XYLT1: variants seen among roughly 807,000 people sequenced by gnomAD.
The protein encoded by XYLT1 is beta-D-xylosyltransferase 1.
In XYLT1, 36 loss-of-function variants were observed where a neutral mutation model predicts 91.3. That is an observed-to-expected ratio of 0.39 (90% confidence interval 0.30 to 0.52). The LOEUF is 0.52. Among genes scored for constraint, XYLT1 ranks in the 20% least tolerant of loss-of-function variants. The pLI, the probability that XYLT1 is intolerant of heterozygous loss-of-function variation, is 0.68. For synonymous variants in XYLT1, 588 were observed against 532.0 expected, an observed-to-expected ratio of 1.11 and a Z score of -1.45; for missense variants, 1,242 against 1,284.5, an observed-to-expected ratio of 0.97 and a Z score of 0.51.
chr16:17,261,060 C>T (rs1408614939), intron 2 of XYLT1, among the ~76,000 whole-genome samples: 1 of 151,962 alleles, frequency 6.6e-6, no homozygotes, highest in Admixed American at 6.6e-5. Flanking sequence ...ATGGCAAAAC[C>T]CCATCTCTAC....
At chr16:17,261,075 A>AAC (rs746301720) in intron 2 of XYLT1, among the ~76,000 whole-genome samples, 205 of 151,928 alleles carry the variant, frequency 1.3e-3, no homozygotes, top group Non-Finnish European at 2.0e-3. Flanking sequence ...CTCTACCAAT[A>AAC]ACACACACAC....
intron 3 of XYLT1, among the ~76,000 whole-genome samples, chr16:17,201,504 T>A (rs1200131935): frequency 6.6e-6 from 1 of 151,466 alleles, no homozygotes; most frequent in Non-Finnish European, 1.5e-5. Flanking sequence ...AGACGGAGTC[T>A]TACTCTGTTG....
intron 4 of XYLT1, among the ~76,000 whole-genome samples, chr16:17,199,052 A>T (rs1348445694): frequency 6.6e-6 from 1 of 152,126 alleles, no homozygotes; most frequent in Non-Finnish European, 1.5e-5. Context: ...CCAACTTTGC[A>T]TTCATATACA....
intron 1 of XYLT1, among the ~76,000 whole-genome samples, chr16:17,368,143 G>A (rs896911358): frequency 6.6e-6 from 1 of 152,158 alleles, no homozygotes; most frequent in African/African-American, 2.4e-5. Flanking sequence ...ACCACGGGGG[G>A]CGGAAAAAAC....
At chr16:17,352,085 A>C (rs1014742025) in intron 2 of XYLT1, among the ~76,000 whole-genome samples, 3 of 152,146 alleles carry the variant, frequency 2.0e-5, no homozygotes, top group African/African-American at 7.2e-5. Flanking sequence ...GAGTCACTGC[A>C]CTTCCAGCCT....
chr16:17,329,693 T>A (rs947278176), intron 2 of XYLT1, among the ~76,000 whole-genome samples: 17 of 152,246 alleles, frequency 1.1e-4, no homozygotes, highest in African/African-American at 3.9e-4. Context: ...TGCCTCCGGG[T>A]CTGTTACTTG....
chr16:17,128,003 A>G (rs138582304), intron 9 of XYLT1, 142 bp from the exon 10 acceptor site: 51 of 651,604 alleles, frequency 7.8e-5, no homozygotes, highest in African/African-American at 6.7e-4. Context: ...CTCTGTATCT[A>G]TGATCTCAAT....
chr16:17,119,995 T>C (rs7196690), intron 10 of XYLT1, among the ~76,000 whole-genome samples: 14,476 of 152,176 alleles, frequency 0.095, 1,236 homozygotes, highest in African/African-American at 0.22. Context: ...AGATTAGGAC[T>C]AAGAAAGCAT....
intron 2 of XYLT1, among the ~76,000 whole-genome samples, chr16:17,308,688 C>T (rs2034501670): frequency 6.6e-6 from 1 of 152,196 alleles, no homozygotes. Context: ...CCCTACTCTT[C>T]TCCAAGACCC....
At chr16:17,395,356 A>T (rs907908935) in intron 1 of XYLT1, among the ~76,000 whole-genome samples, 1 of 152,080 alleles carries the variant, frequency 6.6e-6, no homozygotes, top group African/African-American at 2.4e-5. Flanking sequence ...AATCTCTTAA[A>T]TATTAAAAAA....
chr16:17,266,334 C>T (rs1456785916), intron 2 of XYLT1, among the ~76,000 whole-genome samples: 2 of 152,178 alleles, frequency 1.3e-5, no homozygotes, highest in African/African-American at 4.8e-5. Flanking sequence ...GAAGATAGTG[C>T]CTGACACGTC....
chr16:17,111,944 G>C (rs4533271), intron 11 of XYLT1, among the ~76,000 whole-genome samples: 41,535 of 152,056 alleles, frequency 0.27, 6,333 homozygotes, highest in East Asian at 0.64. Flanking sequence ...GGAGAACAGA[G>C]CCTGCTGTCT....
intron 1 of XYLT1, among the ~76,000 whole-genome samples, chr16:17,406,472 C>G (rs956369806): frequency 6.6e-6 from 1 of 152,226 alleles, no homozygotes; most frequent in Admixed American, 6.5e-5. Flanking sequence ...TAAGCTCCCC[C>G]ATGGGGCCTA....
At chr16:17,191,994 A>T (rs2032319310) in intron 5 of XYLT1, among the ~76,000 whole-genome samples, 1 of 151,982 alleles carries the variant, frequency 6.6e-6, no homozygotes, top group East Asian at 1.9e-4. Flanking sequence ...GGGAGGGGCC[A>T]AGGACACACT....
At chr16:17,153,470 C>T (rs1288704293) in intron 6 of XYLT1, among the ~76,000 whole-genome samples, 3 of 152,166 alleles carry the variant, frequency 2.0e-5, no homozygotes, top group Admixed American at 6.5e-5. Context: ...CGCTTTGTCA[C>T]CCAGGCTGCA....
Position 17,198,226 on chromosome 16 carries a change from G to A in XYLT1, c.1275C>T (p.Ala425=), listed in dbSNP as rs149300797. ...GGCTGCCTTACCTGATGGGGTAGTC[G>A]GCCGCACTCAGGTTGATGAAGAAGT... The part of the protein sequence containing the change: ...PWDFFINLSA[A]DYPIRTNDQL... Residue 425 remains alanine, a synonymous_variant, in exon 5 of 12, where the codon GCC becomes GCT. Transcript: ENST00000261381. 3.2e-5 allele frequency: 51 copies of A among 1,614,138 alleles called. No individual in the cohort carries two copies. In the Admixed American group the frequency reaches 5.8e-4, roughly 18 times the overall value.
intron 5 of XYLT1, among the ~76,000 whole-genome samples, chr16:17,175,946 C>T (rs2031932731): frequency 1.3e-5 from 2 of 152,038 alleles, no homozygotes; most frequent in South Asian, 4.1e-4. Flanking sequence ...CTGAAAACGT[C>T]TCTAGGTGAA....
chr16:17,171,736 G>T (rs933180236), intron 5 of XYLT1, among the ~76,000 whole-genome samples: 21 of 152,228 alleles, frequency 1.4e-4, no homozygotes, highest in Admixed American at 1.2e-3. Context: ...CCAGGTTGGG[G>T]CTGGGCAGCT....
intron 10 of XYLT1, among the ~76,000 whole-genome samples, chr16:17,121,812 A>G (rs1047157017): frequency 2.0e-5 from 3 of 152,048 alleles, no homozygotes; most frequent in East Asian, 1.9e-4. Context: ...ATTTCCTCAT[A>G]GCTTAGCTCC....
Sources: allele counts gnomAD v4.1 joint callset (sites outside exome capture counted in the v4.1 genomes callset), GRCh38; gene constraint gnomAD v4.1.1; transcripts MANE v1.5; gene names NCBI Gene and HGNC (gene_info 2026-07-23, HGNC 2026-07-21).